Variants in CRB1 observed in about 807,000 individuals in gnomAD.
The protein encoded by CRB1 is protein crumbs homolog 1.
CRB1 carries 83 observed loss-of-function variants against 120.0 expected under a neutral mutation model. The observed-to-expected ratio is 0.69, with a 90% CI of 0.58 to 0.83. The LOEUF is 0.83. CRB1 is among the 40% of genes least tolerant of loss of function. The pLI is 0.00. For missense variants in CRB1, 1,699 were observed against 1,687.6 expected (o/e 1.01, Z -0.12); for synonymous variants, 625 against 612.5 (o/e 1.02, Z -0.30).
chr1:197,344,291 T>C lies in CRB1; in HGVS notation c.663T>C (p.Cys221=), dbSNP rs753311292. 1.9e-6 allele frequency: 3 copies of C among 1,614,192 alleles called. No homozygotes were observed. The Admixed American group carries it at 5.0e-5, about 27-fold the overall frequency. Residue 221 remains cysteine (C), a synonymous_variant, in exon 3 of 12, where the codon TGT becomes TGC. Coordinates refer to ENST00000367400, the MANE Select transcript of CRB1 (RefSeq NM_201253.3). ...ICPHNYSGVN[C]ELEIDECWSQ... is the part of the protein sequence containing the mutation. ...TGACTTTTTTAAAAGGTGTAAACTGTGAATTGGAAATTGACGAATGTTGGT... is the reference window on the plus strand; with the variant it reads ...TGACTTTTTTAAAAGGTGTAAACTGCGAATTGGAAATTGACGAATGTTGGT...
chr1:197,291,827 A>G (rs560632331), intron 1 of CRB1, among the ~76,000 whole-genome samples: 1 of 151,842 alleles, frequency 6.6e-6, no homozygotes, highest in Non-Finnish European at 1.5e-5. Context: ...TTGCTTTCCC[A>G]TCTATATTCT....
chr1:197,333,120 A>G (rs915672448), intron 2 of CRB1, among the ~76,000 whole-genome samples: 2 of 152,354 alleles, frequency 1.3e-5, no homozygotes, highest in Admixed American at 1.3e-4. Flanking sequence ...TCCTCTGAGC[A>G]GCAAAGTAAG....
At chr1:197,252,582 A>ATATATATATATATATATGTG in the CRB1 span, among the ~76,000 whole-genome samples, 1 of 15,504 alleles carries the variant, frequency 6.4e-5, no homozygotes. Flanking sequence ...ATATATATAT[A>ATATATATATATATATATGTG]TGTGTGTGTG....
the CRB1 span, among the ~76,000 whole-genome samples, chr1:197,228,960 A>G: frequency 6.6e-6 from 1 of 152,190 alleles, no homozygotes; most frequent in Non-Finnish European, 1.5e-5. Flanking sequence ...ATTCACTACC[A>G]TGAGAACAGT....
At chr1:197,309,778 A>G (rs953338071) in intron 1 of CRB1, among the ~76,000 whole-genome samples, 3 of 150,812 alleles carry the variant, frequency 2.0e-5, no homozygotes, top group African/African-American at 7.4e-5. Context: ...ATAAATAAAT[A>G]AATAAATAAA....
intron 5 of CRB1, 139 bp from the exon 6 acceptor site, chr1:197,420,861 A>G: frequency 1.5e-6 from 1 of 672,900 alleles, no homozygotes; most frequent in Non-Finnish European, 2.6e-6. Context: ...TTCCTTATTA[A>G]GTGTTTACAT....
intron 11 of CRB1, chr1:197,443,612 A>T (rs924722507): frequency 6.6e-6 from 1 of 151,918 alleles, no homozygotes; most frequent in Non-Finnish European, 1.5e-5. Context: ...ATTTGCAAGT[A>T]AATTTATTTT....
intron 6 of CRB1, among the ~76,000 whole-genome samples, chr1:197,424,851 C>T (rs906704410): frequency 1.3e-5 from 2 of 152,100 alleles, no homozygotes; most frequent in African/African-American, 4.8e-5. Context: ...TGTGTTGTTC[C>T]TCTTCATGAC....
At chr1:197,320,243 T>G (rs769196026) in intron 1 of CRB1, among the ~76,000 whole-genome samples, 3 of 152,214 alleles carry the variant, frequency 2.0e-5, no homozygotes, top group Non-Finnish European at 4.4e-5. Flanking sequence ...TCAAGGGCTC[T>G]TGCTTTACTA....
intron 5 of CRB1, among the ~76,000 whole-genome samples, chr1:197,406,447 G>T (rs970192490): frequency 1.7e-4 from 26 of 152,268 alleles, no homozygotes; most frequent in Non-Finnish European, 2.9e-4. Flanking sequence ...GCGGAGGGCC[G>T]CAGGGTCCTC....
intron 5 of CRB1, chr1:197,363,870 C>T: frequency 2.1e-6 from 2 of 951,162 alleles, no homozygotes; most frequent in East Asian, 2.4e-5. Context: ...AGGAAGGGAA[C>T]GTGGAAGGTG....
Position 197,434,710 on chromosome 1 carries a change from T to C in CRB1, c.2847T>C (p.Ile949=). ...CQPVLQGFEC[I]ANAVFNGQSG... is the part of the protein sequence containing the mutation. ...ATTATCACCTTCTCTCATTAGGTATTGCAAATGCTGTTTTTAATGGACAAA... is the reference window on the plus strand; with the variant it reads ...ATTATCACCTTCTCTCATTAGGTATCGCAAATGCTGTTTTTAATGGACAAA... The change falls in exon 9 of 12, where the codon ATT becomes ATC. Residue 949 remains isoleucine, a synonymous_variant. Coordinates refer to ENST00000367400, the MANE Select transcript of CRB1 (RefSeq NM_201253.3). 1.2e-6 allele frequency: 2 copies of C among 1,612,804 alleles called. No homozygotes were observed. The highest frequency in any genetic ancestry group is 1.7e-5 in the Admixed American group (1 of 59,946).
intron 2 of CRB1, among the ~76,000 whole-genome samples, chr1:197,341,154 G>T (rs1659432284): frequency 6.6e-6 from 1 of 152,138 alleles, no homozygotes; most frequent in African/African-American, 2.4e-5. Context: ...ATGGGATTTG[G>T]ATGGGGACAC....
chr1:197,414,011 C>T (rs1422222844), intron 5 of CRB1: 7 of 453,030 alleles, frequency 1.5e-5, no homozygotes, highest in Non-Finnish European at 3.1e-5. Context: ...GTAACTAACT[C>T]TCTTCTTATA....
rs1401615070 is a variant in CRB1 at position 197,427,491 on chromosome 1, T to C, written c.2166T>C (p.Thr722=). The C allele has an allele frequency of 7.4e-6, 12 of 1,613,876 alleles. No individual in the cohort carries two copies. The highest frequency in any genetic ancestry group is 2.7e-5 in the African/African-American group (2 of 74,904). ...GCAGATTTGGCCAGGATGACTCCACTGGTTATGTCATCTTTACTCTTGATG... is the reference window on the plus strand; with the variant it reads ...GCAGATTTGGCCAGGATGACTCCACCGGTTATGTCATCTTTACTCTTGATG... ...VAGRFGQDDS[T]GYVIFTLDES... The change falls in exon 7 of 12, where the codon ACT becomes ACC. Residue 722 remains threonine (T), a synonymous_variant. Coordinates refer to ENST00000367400, the MANE Select transcript of CRB1 (RefSeq NM_201253.3).
In CRB1 at chr1:197,402,676, A is replaced by T. The variant is rs577600555; in HGVS notation, c.1172-18324A>T. On this transcript the variant is annotated intron_variant, in intron 5 of 11. Coordinates refer to ENST00000367400, the MANE Select transcript of CRB1 (RefSeq NM_201253.3). ...GTTCTCTAGTCCCTTTATCTCTGGG[A>T]TAGTTTCTCAGTTTTGTTCTCTTAT... 2.0e-5 allele frequency among the ~76,000 whole-genome samples: 3 copies of T among 152,186 alleles called. No individual in the cohort carries two copies. In the South Asian group the frequency reaches 6.2e-4, roughly 32 times the overall value.
chr1:197,252,576 A>ATGTGTGTGTGTG, the CRB1 span, among the ~76,000 whole-genome samples: 1 of 35,056 alleles, frequency 2.9e-5, no homozygotes, highest in Non-Finnish European at 6.7e-5. Flanking sequence ...ATATATATAT[A>ATGTGTGTGTGTG]TATATATGTG....
chr1:197,454,249 G>GATC (rs1281991563), intron 11 of CRB1, among the ~76,000 whole-genome samples: 2 of 136,478 alleles, frequency 1.5e-5, no homozygotes, highest in Non-Finnish European at 3.1e-5. Flanking sequence ...TATGTAAAAT[G>GATC]ATCTTACCAC....
intron 1 of CRB1, among the ~76,000 whole-genome samples, chr1:197,327,346 G>T (rs1384827222): frequency 6.6e-6 from 1 of 152,134 alleles, no homozygotes; most frequent in Non-Finnish European, 1.5e-5. Context: ...AAGTGCAATA[G>T]AACTATCAAG....
Sources: allele counts gnomAD v4.1 joint callset (sites outside exome capture counted in the v4.1 genomes callset), GRCh38; gene constraint gnomAD v4.1.1; transcripts MANE v1.5; gene names NCBI Gene and HGNC (gene_info 2026-07-23, HGNC 2026-07-21).